Variants in UBE2O observed in about 807,000 individuals in gnomAD.
UBE2O encodes the protein (E3-independent) E2 ubiquitin-conjugating enzyme.
UBE2O carries 15 observed loss-of-function variants against 125.8 expected under a neutral mutation model. The observed-to-expected ratio is 0.12, with a 90% CI of 0.08 to 0.18. The LOEUF is 0.18. Ranked by LOEUF, UBE2O falls within the 10% of genes least tolerant of loss-of-function variation. The pLI is 1.00. For missense variants in UBE2O, 1,280 were observed against 1,723.6 expected, an observed-to-expected ratio of 0.74 and a Z score of 4.56; for synonymous variants, 708 against 703.2, an observed-to-expected ratio of 1.01 and a Z score of -0.11.
intron 5 of UBE2O, chr17:76,401,863 G>A (rs1223735169): frequency 2.4e-6 from 1 of 410,358 alleles, no homozygotes; most frequent in African/African-American, 2.4e-5. Flanking sequence ...GCGACAGTGA[G>A]ACTCTGTCTC....
In UBE2O at chr17:76,393,769, C is replaced by T. The variant is rs1051275370; in HGVS notation, c.2947-1656G>A. On this transcript the variant is annotated intron_variant, in intron 15 of 17. Coordinates refer to ENST00000319380, the MANE Select transcript of UBE2O (RefSeq NM_022066.4). ...CATCTGGAATCTGTGCATCTATTTG[C>T]GTGCATCTGTGCACACACGCGTGTG... 5.3e-5 allele frequency among the ~76,000 whole-genome samples: 8 copies of T among 152,078 alleles called. No individual in the cohort carries two copies. In the East Asian group the frequency reaches 1.4e-3, roughly 26 times the overall value.
rs757756725 is a variant in UBE2O, at chr17:76,391,752, G to A, written c.3208+4C>T. 1.2e-6 allele frequency: 2 copies of A among 1,614,066 alleles called. No homozygotes were observed. The highest frequency in any genetic ancestry group is 1.1e-5 in the South Asian group (1 of 91,064). ...TCCGCACCCCCGCTTCAGCCCAACT[G>A]TACCTTGGATGGAGATGAGCACCTG... On this transcript the variant is annotated splice_donor_region_variant and intron_variant, in intron 17 of 17. Transcript: ENST00000319380. The surrounding 1 kb of genome is among the most constrained non-coding windows in gnomAD (Gnocchi z 8.4).
intron 1 of UBE2O, among the ~76,000 whole-genome samples, chr17:76,438,882 C>T (rs1386974035): frequency 6.6e-6 from 1 of 152,142 alleles, no homozygotes; most frequent in African/African-American, 2.4e-5. Context: ...TAGGTGACGC[C>T]ATGCACACCG....
chr17:76,430,779 T>A (rs2072893323), intron 1 of UBE2O: 1 of 248,172 alleles, frequency 4.0e-6, no homozygotes, highest in Admixed American at 4.4e-5. Context: ...CCATTAAAGA[T>A]CTGACAAAGG....
Position 76,396,010 on chromosome 17 carries a change from C to G in UBE2O, c.2809+118G>C. 1.3e-6 allele frequency: 2 copies of G among 1,491,380 alleles called. No homozygotes were observed. Among genetic ancestry groups the G allele is most frequent in the Non-Finnish European group, 1.8e-6 (2 of 1,094,424 alleles). The allele number at this position is 1,491,380 out of a possible 1,614,324, so 92.4% of individuals were successfully genotyped here. ...TGACCACACAGGGAAATGGTTTGCC[C>G]TGGGGCAGTAGCTGGGGTCTGGCGA... is the stretch of plus-strand genomic sequence containing the variant. On this transcript the variant is annotated intron_variant, in intron 14 of 17. Coordinates refer to ENST00000319380, the MANE Select transcript of UBE2O (RefSeq NM_022066.4). The surrounding 1 kb of genome is among the most constrained non-coding windows in gnomAD (Gnocchi z 6.7).
chr17:76,442,666 T>C (rs2073091541), intron 1 of UBE2O, among the ~76,000 whole-genome samples: 1 of 152,152 alleles, frequency 6.6e-6, no homozygotes, highest in Non-Finnish European at 1.5e-5. Flanking sequence ...TTGGCTGGAA[T>C]CAACTGAAGA....
intron 15 of UBE2O, among the ~76,000 whole-genome samples, chr17:76,394,350 G>A (rs567283442): frequency 1.3e-4 from 20 of 152,324 alleles, no homozygotes; most frequent in African/African-American, 4.8e-4. Flanking sequence ...GCAGGCAAAC[G>A]GGCTTGCCTG....
At chr17:76,435,545 C>CA (rs1037151620) in intron 1 of UBE2O, among the ~76,000 whole-genome samples, 37 of 152,242 alleles carry the variant, frequency 2.4e-4, no homozygotes, top group African/African-American at 7.5e-4. Context: ...GGCTTGGAAA[C>CA]ACAGGGAAAC....
intron 1 of UBE2O, among the ~76,000 whole-genome samples, chr17:76,417,464 C>T (rs774128745): frequency 1.7e-4 from 26 of 152,204 alleles, no homozygotes; most frequent in Admixed American, 1.6e-3. Context: ...TTAGATACAC[C>T]AGGAGAGCTA....
chr17:76,390,828 C>T lies in UBE2O; in HGVS notation c.*115G>A. 2 of 1,032,212 alleles carry T rather than the reference C, an allele frequency of 1.9e-6. No individual in the cohort carries two copies. Among genetic ancestry groups the T allele is most frequent in the Non-Finnish European group, 2.8e-6 (2 of 712,772 alleles). The allele number at this position is 1,032,212 out of a possible 1,614,324, so 63.9% of individuals were successfully genotyped here. A position where few individuals can be genotyped will look rare whatever the true frequency, so the allele number is the denominator to read the frequency against. Reference sequence around the variant, plus strand: ...CAAACTCACCTTGGGGAGAAGAGGGCAGTGGGTTTGCAGTGGGGACAGAGG... The same window carrying T: ...CAAACTCACCTTGGGGAGAAGAGGGTAGTGGGTTTGCAGTGGGGACAGAGG... On this transcript the variant is annotated 3_prime_UTR_variant, in exon 18 of 18. Transcript: ENST00000319380.
intron 1 of UBE2O, among the ~76,000 whole-genome samples, chr17:76,436,332 G>A (rs1197231882): frequency 1.3e-5 from 2 of 152,098 alleles, no homozygotes; most frequent in East Asian, 1.9e-4. Context: ...TTATCCCCGA[G>A]TGGTAGAATT....
At chr17:76,422,122 G>A (rs759345420) in intron 1 of UBE2O, among the ~76,000 whole-genome samples, 6 of 152,194 alleles carry the variant, frequency 3.9e-5, no homozygotes, top group Admixed American at 1.3e-4. Context: ...GTAATGGGAC[G>A]TGTGCTAAGT....
At position 76,402,481 on chromosome 17, in the gene UBE2O, T is replaced by C. The variant is rs1690444749; in HGVS notation, c.686+121A>G. The C allele has an allele frequency of 1.2e-6, 1 of 865,874 alleles. No homozygotes were observed. The highest frequency in any genetic ancestry group is 1.7e-5 in the African/African-American group (1 of 60,442). 53.6% of individuals were successfully genotyped at this position (865,874 alleles called of 1,614,324 possible). A position where few individuals can be genotyped will look rare whatever the true frequency, so the allele number is the denominator to read the frequency against. ...GGTTAGGCCCTGGATGCCTGCAACA[T>C]CTGTCACTGCCCTTGATCAAACCTG... On this transcript the variant is annotated intron_variant, in intron 4 of 17. Transcript: ENST00000319380. The surrounding 1 kb of genome is among the most constrained non-coding windows in gnomAD (Gnocchi z 5.4).
Position 76,401,158 on chromosome 17 carries a change from CG to C in UBE2O, c.751-5del. 1 of 1,612,884 alleles carries C rather than the reference CG, an allele frequency of 6.2e-7. No individual in the cohort carries two copies. Among genetic ancestry groups the C allele is most frequent in the Non-Finnish European group, 8.5e-7 (1 of 1,179,576 alleles). On this transcript the variant is annotated splice_region_variant and splice_polypyrimidine_tract_variant and intron_variant, in intron 5 of 17. Transcript: ENST00000319380. ...AGGAATCATCGAAGAAGAGACCCTGCGGGATGTGGGGCCAAAGGAAAGTCCC... is the reference window on the plus strand; with the variant it reads ...AGGAATCATCGAAGAAGAGACCCTGCGGATGTGGGGCCAAAGGAAAGTCCC...
Position 76,399,080 on chromosome 17 carries a change from T to G in UBE2O, c.1629-89A>C. On this transcript the variant is annotated intron_variant, in intron 9 of 17. Transcript: ENST00000319380. This position sits in a 1 kb window ranked among gnomAD's most constrained non-coding sequence, Gnocchi z 6.9. The stretch of plus-strand genomic sequence containing the variant: ...GTCTTTCTGTCCCTTCCTGTCCCTG[T>G]GGGCTTGGTAACCTGAAACTCTGAA... 6.7e-7 allele frequency: 1 copy of G among 1,499,376 alleles called. No individual in the cohort carries two copies. The highest frequency in any genetic ancestry group is 8.9e-7 in the Non-Finnish European group (1 of 1,119,384). The allele number at this position is 1,499,376 out of a possible 1,614,324, so 92.9% of individuals were successfully genotyped here.
At position 76,398,440 on chromosome 17, in the gene UBE2O, C is replaced by T. The variant is rs781462210; in HGVS notation, c.1896+32G>A. The T allele has an allele frequency of 6.2e-7, 1 of 1,614,066 alleles. No homozygotes were observed. The highest frequency in any genetic ancestry group is 1.1e-5 in the South Asian group (1 of 91,082). On this transcript the variant is annotated intron_variant, in intron 11 of 17. Coordinates refer to ENST00000319380, the MANE Select transcript of UBE2O (RefSeq NM_022066.4). The surrounding 1 kb of genome is among the most constrained non-coding windows in gnomAD (Gnocchi z 5.4). ...GGGTCCTACACCCAACCCCAGAGCC[C>T]ACCTGAAGCAAGCAGTAGGGGCTGC...
Position 76,399,375 on chromosome 17 carries a change from G to A in UBE2O, c.1628+74C>T, listed in dbSNP as rs915467143. The A allele has an allele frequency of 2.9e-5, 42 of 1,430,928 alleles. No individual in the cohort carries two copies. Among genetic ancestry groups the A allele is most frequent in the Non-Finnish European group, 3.7e-5 (38 of 1,032,124 alleles). The allele number at this position is 1,430,928 out of a possible 1,614,324, so 88.6% of individuals were successfully genotyped here. ...GAGGTGTGTGTGCGAGCGCAGGCAC[G>A]CACACCGAGGGGACGCGCACTCTGC... On this transcript the variant is annotated intron_variant, in intron 9 of 17. Coordinates refer to ENST00000319380, the MANE Select transcript of UBE2O (RefSeq NM_022066.4). The surrounding 1 kb of genome is among the most constrained non-coding windows in gnomAD (Gnocchi z 6.9).
At chr17:76,403,143 A>G (rs1356891045) in intron 3 of UBE2O, among the ~76,000 whole-genome samples, 3 of 152,020 alleles carry the variant, frequency 2.0e-5, no homozygotes, top group Non-Finnish European at 2.9e-5. Flanking sequence ...CAAGTCCCTC[A>G]TTGTTGGAGA....
At position 76,391,837 on chromosome 17, in the gene UBE2O, A is replaced by G. The variant is rs368991683; in HGVS notation, c.3151-24T>C. On this transcript the variant is annotated intron_variant, in intron 16 of 17. Transcript: ENST00000319380. The surrounding 1 kb of genome is among the most constrained non-coding windows in gnomAD (Gnocchi z 8.4). ...CCCTGAAACACACAGGGCACCATCA[A>G]TTCTGTTCCCCAGGCCCCTATCCAC... 1.9e-6 allele frequency: 3 copies of G among 1,613,986 alleles called. No individual in the cohort carries two copies. Among genetic ancestry groups the G allele is most frequent in the Non-Finnish European group, 2.5e-6 (3 of 1,179,986 alleles).
Sources: gnomAD v4.1 joint callset for allele counts (sites outside exome capture counted in the v4.1 genomes callset) on GRCh38, gnomAD v4.1.1 for gene constraint, Gnocchi (gnomAD v3.1) non-coding constraint, MANE v1.5 for transcripts, NCBI Gene and HGNC (gene_info 2026-07-23, HGNC 2026-07-21) for gene names.